Variants in KCNG3 observed in about 807,000 individuals in gnomAD.
KCNG3 encodes potassium voltage-gated channel modifier subfamily G member 3, also known as voltage-gated potassium channel regulatory subunit KCNG3.
A neutral mutation model predicts 29.0 loss-of-function variants in KCNG3; 15 were observed. The observed-to-expected ratio is 0.52, with a 90% CI of 0.35 to 0.80. The LOEUF is 0.80. Ranked by LOEUF, KCNG3 falls within the 30% of genes least tolerant of loss-of-function variation. The pLI, the probability that KCNG3 is intolerant of heterozygous loss-of-function variation, is 0.01. For synonymous variants in KCNG3, 322 were observed against 248.9 expected, an observed-to-expected ratio of 1.29 and a Z score of -2.76; for missense variants, 512 against 605.7, an observed-to-expected ratio of 0.85 and a Z score of 1.62.
the KCNG3 span, among the ~76,000 whole-genome samples, chr2:42,395,259 A>C: frequency 6.6e-6 from 1 of 152,226 alleles, no homozygotes; most frequent in Non-Finnish European, 1.5e-5. Context: ...TCCATGATTT[A>C]GGCAGTTCCA....
At chr2:42,479,123 A>G (rs1167654026) in intron 1 of KCNG3, among the ~76,000 whole-genome samples, 2 of 152,114 alleles carry the variant, frequency 1.3e-5, no homozygotes, top group African/African-American at 4.8e-5. Context: ...GGGACGCTCA[A>G]TCTGTAGCAC....
At chr2:42,396,173 T>C in the KCNG3 span, among the ~76,000 whole-genome samples, 2 of 152,216 alleles carry the variant, frequency 1.3e-5, no homozygotes, top group African/African-American at 4.8e-5. Flanking sequence ...ACTCCAAGTA[T>C]AGTTTCTACT....
the KCNG3 span, among the ~76,000 whole-genome samples, chr2:42,399,056 C>CT: frequency 0.022 from 2,376 of 107,596 alleles, 42 homozygotes; most frequent in African/African-American, 0.037. Context: ...TTTTTCTTTT[C>CT]TTTTTTTTTT....
the KCNG3 span, among the ~76,000 whole-genome samples, chr2:42,434,666 CAAAAAAAAAAAAA>C: frequency 1.5e-5 from 1 of 64,696 alleles, no homozygotes; most frequent in Non-Finnish European, 2.7e-5. Context: ...AACTCCATCT[CAAAAAAAAAAAAA>C]AAAAAAAAAA....
At chr2:42,392,252 A>G in the KCNG3 span, among the ~76,000 whole-genome samples, 2 of 152,000 alleles carry the variant, frequency 1.3e-5, no homozygotes, top group Admixed American at 1.3e-4. Context: ...CTCTTAGTCC[A>G]TGCTGCAGCC....
chr2:42,428,459 G>GAA, the KCNG3 span, among the ~76,000 whole-genome samples: 10 of 123,668 alleles, frequency 8.1e-5, no homozygotes, highest in South Asian at 2.6e-4. Flanking sequence ...CCGGTCTCGG[G>GAA]AAAAAAAAAA....
At chr2:42,399,210 C>T in the KCNG3 span, among the ~76,000 whole-genome samples, 3 of 152,044 alleles carry the variant, frequency 2.0e-5, 1 homozygote, top group African/African-American at 7.2e-5. Context: ...GCATATGTCA[C>T]CACACCTGGC....
chr2:42,403,651 G>C, the KCNG3 span, among the ~76,000 whole-genome samples: 1 of 146,034 alleles, frequency 6.8e-6, no homozygotes, highest in Non-Finnish European at 1.5e-5. Flanking sequence ...TTTTAGTAGA[G>C]ACGGGGTTTC....
At chr2:42,440,128 A>G (rs1672441698), downstream of KCNG3, among the ~76,000 whole-genome samples, 1 of 152,136 alleles carries the variant, frequency 6.6e-6, no homozygotes. Context: ...TAATATTTGG[A>G]TCGGACAAAA....
the KCNG3 span, among the ~76,000 whole-genome samples, chr2:42,391,086 C>G: frequency 1.3e-5 from 2 of 152,210 alleles, no homozygotes; most frequent in Non-Finnish European, 2.9e-5. Flanking sequence ...TCCTCCCAGA[C>G]AGCTCTGCCA....
the KCNG3 span, among the ~76,000 whole-genome samples, chr2:42,432,121 T>C: frequency 6.6e-6 from 1 of 151,878 alleles, no homozygotes; most frequent in South Asian, 2.1e-4. Flanking sequence ...CAAGGATCTC[T>C]CAGGGTGTCA....
the KCNG3 span, among the ~76,000 whole-genome samples, chr2:42,432,538 C>G: frequency 6.6e-6 from 1 of 152,174 alleles, no homozygotes; most frequent in African/African-American, 2.4e-5. Flanking sequence ...CTACAACCTC[C>G]AGCATTCTCC....
the KCNG3 span, among the ~76,000 whole-genome samples, chr2:42,422,858 G>A: frequency 6.6e-6 from 1 of 152,152 alleles, no homozygotes; most frequent in African/African-American, 2.4e-5. Flanking sequence ...CTGACTGTGA[G>A]GAGCCATTTA....
At chr2:42,411,949 C>T in the KCNG3 span, among the ~76,000 whole-genome samples, 1 of 152,198 alleles carries the variant, frequency 6.6e-6, no homozygotes, top group African/African-American at 2.4e-5. Flanking sequence ...ACAGCAAATT[C>T]TAGATATGAT....
At chr2:42,414,553 C>CT in the KCNG3 span, among the ~76,000 whole-genome samples, 3,377 of 141,638 alleles carry the variant, frequency 0.024, 78 homozygotes, top group African/African-American at 0.056. Flanking sequence ...ACTTTCTTTT[C>CT]TTTTTTTTTT....
chr2:42,426,074 T>TTTTATAAAATTTATAATTTTATAA, the KCNG3 span, among the ~76,000 whole-genome samples: 2 of 152,188 alleles, frequency 1.3e-5, no homozygotes, highest in Non-Finnish European at 2.9e-5. Context: ...CAAAGTTAAT[T>TTTTATAAAATTTATAATTTTATAA]TTTATAAAAT....
At chr2:42,488,085 C>T (rs1348353405) in intron 1 of KCNG3, among the ~76,000 whole-genome samples, 8 of 152,138 alleles carry the variant, frequency 5.3e-5, no homozygotes, top group Admixed American at 4.6e-4. Flanking sequence ...ACTTTGGTTA[C>T]ATCTAGGGAA....
At chr2:42,459,664 G>C (rs1483619366) in intron 1 of KCNG3, among the ~76,000 whole-genome samples, 4 of 152,176 alleles carry the variant, frequency 2.6e-5, no homozygotes, top group Non-Finnish European at 5.9e-5. Context: ...ACTAAAGATA[G>C]AACTTAAGCA....
At chr2:42,417,494 T>G in the KCNG3 span, among the ~76,000 whole-genome samples, 1 of 151,984 alleles carries the variant, frequency 6.6e-6, no homozygotes, top group African/African-American at 2.4e-5. Context: ...CTAATTTTTG[T>G]ATTTTTTCTA....
Sources: gnomAD v4.1 joint callset for allele counts (sites outside exome capture counted in the v4.1 genomes callset) on GRCh38, gnomAD v4.1.1 for gene constraint, MANE v1.5 for transcripts, NCBI Gene and HGNC (gene_info 2026-07-23, HGNC 2026-07-21) for gene names.